PLEKHA7: variants seen among roughly 807,000 people sequenced by gnomAD.
PLEKHA7 encodes pleckstrin homology domain containing A7.
A neutral mutation model predicts 170.0 loss-of-function variants in PLEKHA7; 104 were observed. That is an observed-to-expected ratio of 0.61 (90% CI 0.52 to 0.72). The LOEUF is 0.72. Ranked by LOEUF, PLEKHA7 falls within the 30% of genes least tolerant of loss-of-function variation. PLEKHA7 has a pLI of 0.00. For synonymous variants in PLEKHA7, 648 were observed against 660.8 expected (o/e 0.98, Z 0.30); for missense variants, 1,615 against 1,671.7 (o/e 0.97, Z 0.59).
intron 9 of PLEKHA7, among the ~76,000 whole-genome samples, chr11:16,832,869 G>A (rs948183418): frequency 2.6e-5 from 4 of 152,180 alleles, no homozygotes; most frequent in African/African-American, 4.8e-5. Context: ...AGCTCAGCCT[G>A]TGTTAACAGA....
At position 16,789,301 on chromosome 11, in the gene PLEKHA7, G is replaced by C; in HGVS notation, c.3157-5C>G. On this transcript the variant is annotated splice_polypyrimidine_tract_variant and splice_region_variant and intron_variant, in intron 22 of 26. Transcript: ENST00000531066. This position sits in a 1 kb window ranked among gnomAD's most constrained non-coding sequence, Gnocchi z 4.6. Reference sequence around the variant, plus strand: ...CTCCAAGGCACTCTTAGGTCTCTGAGGAAGAGGAGGCAGGCAAGAGAGACA... The same window carrying C: ...CTCCAAGGCACTCTTAGGTCTCTGACGAAGAGGAGGCAGGCAAGAGAGACA... 6.2e-7 allele frequency: 1 copy of C among 1,612,656 alleles called. No individual in the cohort carries two copies. Among genetic ancestry groups the C allele is most frequent in the South Asian group, 1.1e-5 (1 of 91,072 alleles).
chr11:16,783,877 C>T, intron 24 of PLEKHA7, 44 bp from the exon 25 acceptor site: 2 of 1,382,016 alleles, frequency 1.4e-6, no homozygotes, highest in Non-Finnish European at 1.9e-6. Context: ...GCTCAGATGT[C>T]TGGGTTTAGG....
intron 3 of PLEKHA7, among the ~76,000 whole-genome samples, chr11:16,991,516 C>T (rs757104402): frequency 3.6e-4 from 54 of 151,876 alleles, no homozygotes; most frequent in Non-Finnish European, 6.2e-4. Flanking sequence ...GATGACATCT[C>T]AGCAGAGACC....
chr11:16,805,154 T>G (rs1001470620), intron 13 of PLEKHA7, among the ~76,000 whole-genome samples: 9 of 152,200 alleles, frequency 5.9e-5, no homozygotes, highest in African/African-American at 2.2e-4. Flanking sequence ...AGATACACTC[T>G]GGGGATTCTT....
At chr11:16,992,806 C>A (rs1012314461) in intron 3 of PLEKHA7, among the ~76,000 whole-genome samples, 2 of 151,186 alleles carry the variant, frequency 1.3e-5, no homozygotes, top group Non-Finnish European at 2.9e-5. Flanking sequence ...CAGAATACAC[C>A]AACCATTCCT....
intron 3 of PLEKHA7, among the ~76,000 whole-genome samples, chr11:16,879,610 G>A (rs1565059716): frequency 6.6e-6 from 1 of 152,186 alleles, no homozygotes; most frequent in Non-Finnish European, 1.5e-5. Flanking sequence ...CCCCCCACCT[G>A]AGGGGCAGTT....
At chr11:16,954,708 T>G (rs1169060202) in intron 3 of PLEKHA7, among the ~76,000 whole-genome samples, 1 of 151,694 alleles carries the variant, frequency 6.6e-6, no homozygotes, top group Non-Finnish European at 1.5e-5. Flanking sequence ...TTTTTTTTTT[T>G]GAGACAGAGT....
intron 3 of PLEKHA7, among the ~76,000 whole-genome samples, chr11:16,907,019 G>T (rs1205975751): frequency 6.8e-6 from 1 of 146,786 alleles, no homozygotes; most frequent in African/African-American, 2.6e-5. Context: ...CAACCGCCCC[G>T]TCTGAGAAGT....
chr11:16,789,485 T>TAG lies in PLEKHA7; in HGVS notation c.3157-190_3157-189insCT. 1.6e-6 allele frequency: 1 copy of TAG among 639,826 alleles called. No individual in the cohort carries two copies. Among genetic ancestry groups the TAG allele is most frequent in the South Asian group, 1.9e-5 (1 of 51,576 alleles). 39.6% of individuals were successfully genotyped at this position (639,826 alleles called of 1,614,324 possible). ...ATGCCCCCAACCCTCAGGAGCTTTC[T>TAG]GAGTAGCACCCATTCTGCAGATGCA... On this transcript the variant is annotated intron_variant, in intron 22 of 26. Transcript: ENST00000531066. The surrounding 1 kb of genome is among the most constrained non-coding windows in gnomAD (Gnocchi z 4.6).
chr11:16,819,907 A>C (rs928089876), intron 10 of PLEKHA7, among the ~76,000 whole-genome samples: 1 of 152,210 alleles, frequency 6.6e-6, no homozygotes, highest in African/African-American at 2.4e-5. Context: ...GGTTAATAAT[A>C]ATGTATATTT....
intron 26 of PLEKHA7, 118 bp downstream of exon 26, chr11:16,782,636 T>C (rs1849121508): frequency 7.5e-7 from 1 of 1,333,402 alleles, no homozygotes; most frequent in Non-Finnish European, 1.0e-6. Context: ...CCACTGACCC[T>C]CAACTACCAT....
chr11:16,975,922 T>C (rs1863033336), intron 3 of PLEKHA7, among the ~76,000 whole-genome samples: 1 of 152,242 alleles, frequency 6.6e-6, no homozygotes, highest in South Asian at 2.1e-4. Flanking sequence ...GTATTGTGTG[T>C]GGGTCCCCAT....
At chr11:16,884,340 A>G (rs1455748254) in intron 3 of PLEKHA7, among the ~76,000 whole-genome samples, 1 of 152,228 alleles carries the variant, frequency 6.6e-6, no homozygotes, top group Non-Finnish European at 1.5e-5. Flanking sequence ...TTCATATAAA[A>G]TTTCAGCTTA....
rs542005147 is a variant in PLEKHA7 at position 16,789,332 on chromosome 11, C to T, written c.3157-36G>A. 4.9e-5 allele frequency: 78 copies of T among 1,603,630 alleles called. 1 individual carries two copies. In the South Asian group the frequency reaches 7.8e-4, roughly 16 times the overall value. On this transcript the variant is annotated intron_variant, in intron 22 of 26. Transcript: ENST00000531066. The surrounding 1 kb of genome is among the most constrained non-coding windows in gnomAD (Gnocchi z 4.6). ...GGAGGCAGGCAAGAGAGACACAGAACAGCTGGGCTGGGCACGCAGAGGACA... is the reference window on the plus strand; with the variant it reads ...GGAGGCAGGCAAGAGAGACACAGAATAGCTGGGCTGGGCACGCAGAGGACA...
intron 10 of PLEKHA7, 136 bp downstream of exon 10, chr11:16,825,984 G>C: frequency 3.2e-6 from 3 of 932,990 alleles, no homozygotes; most frequent in Non-Finnish European, 4.9e-6. Context: ...TTGCAGGGTT[G>C]TTACAGGGAT....
rs1491457494 is a variant in PLEKHA7 at position 17,013,941 on chromosome 11, C to CA, written c.221+47_221+48insT. 8 of 1,005,906 alleles carry CA rather than the reference C, an allele frequency of 8.0e-6. No homozygotes were observed. The East Asian group carries it at 1.4e-4, about 17-fold the overall frequency. 62.3% of individuals were successfully genotyped at this position (1,005,906 alleles called of 1,614,324 possible). A position where few individuals can be genotyped will look rare whatever the true frequency, so the allele number is the denominator to read the frequency against. ...GGCGCCCGGCGGGAACGGGGAGGGACCCCCCCCCCGCGGCACAGGTGCGAG... is the reference window on the plus strand; with the variant it reads ...GGCGCCCGGCGGGAACGGGGAGGGACACCCCCCCCCGCGGCACAGGTGCGAG... On this transcript the variant is annotated intron_variant, in intron 3 of 26. Transcript: ENST00000531066.
chr11:16,800,911 G>T, intron 17 of PLEKHA7, 63 bp downstream of exon 17: 1 of 1,443,704 alleles, frequency 6.9e-7, no homozygotes, highest in Non-Finnish European at 9.7e-7. Flanking sequence ...AAGTCTCTTG[G>T]AAAAACAAAA....
intron 10 of PLEKHA7, among the ~76,000 whole-genome samples, chr11:16,821,300 T>C (rs1850197958): frequency 6.6e-6 from 1 of 152,198 alleles, no homozygotes; most frequent in African/African-American, 2.4e-5. Flanking sequence ...CCTAACTCTA[T>C]CCCTCACCCC....
intron 3 of PLEKHA7, among the ~76,000 whole-genome samples, chr11:16,896,397 G>GA (rs1338778597): frequency 7.2e-5 from 11 of 152,164 alleles, no homozygotes; most frequent in African/African-American, 2.7e-4. Context: ...CCCGCACAAT[G>GA]AAAAGCTGTC....
Sources: gnomAD v4.1 joint callset for allele counts (sites outside exome capture counted in the v4.1 genomes callset) on GRCh38, gnomAD v4.1.1 for gene constraint, Gnocchi (gnomAD v3.1) non-coding constraint, MANE v1.5 for transcripts, NCBI Gene and HGNC (gene_info 2026-07-23, HGNC 2026-07-21) for gene names.